The following MYH15 variants were observed in gnomAD, a reference collection of about 807,000 sequenced individuals.
The protein encoded by MYH15 is myosin-15.
In MYH15, 227 loss-of-function variants were observed where a neutral mutation model predicts 240.5. The ratio of observed to expected loss-of-function variants is 0.94; its 90% confidence interval spans 0.85 to 1.05. The LOEUF is 1.05. MYH15 is among the 50% of genes least tolerant of loss of function. MYH15 has a pLI of 0.00. For missense variants in MYH15, 2,217 were observed against 2,247.5 expected (o/e 0.99, Z 0.27); for synonymous variants, 785 against 796.7 (o/e 0.99, Z 0.25).
chr3:108,399,809 G>A (rs551796992), intron 33 of MYH15, among the ~76,000 whole-genome samples: 2 of 152,304 alleles, frequency 1.3e-5, no homozygotes, highest in African/African-American at 4.8e-5. Flanking sequence ...CTAGGAGTTT[G>A]AGAGTACACC....
At chr3:108,482,098 T>A (rs1380944287) in intron 11 of MYH15, among the ~76,000 whole-genome samples, 1 of 151,888 alleles carries the variant, frequency 6.6e-6, no homozygotes, top group Non-Finnish European at 1.5e-5. Flanking sequence ...TGGTGATAAG[T>A]TGTGAGCTTT....
intron 25 of MYH15, among the ~76,000 whole-genome samples, chr3:108,431,939 C>T (rs192803598): frequency 1.9e-4 from 29 of 152,282 alleles, no homozygotes; most frequent in South Asian, 8.3e-4. Flanking sequence ...ATTTTGCCTC[C>T]GCTCTAGAAC....
At position 108,431,009 on chromosome 3, in the gene MYH15, A is replaced by G. The variant is rs545573347; in HGVS notation, c.3222-87T>C. The G allele has an allele frequency of 9.7e-5, 88 of 910,830 alleles. No individual in the cohort carries two copies. The South Asian group carries it at 1.2e-3, about 13-fold the overall frequency. The allele number at this position is 910,830 out of a possible 1,614,324, so 56.4% of individuals were successfully genotyped here. A position where few individuals can be genotyped will look rare whatever the true frequency, so the allele number is the denominator to read the frequency against. On this transcript the variant is annotated intron_variant, in intron 25 of 40. Coordinates refer to ENST00000693548, the MANE Select transcript of MYH15 (RefSeq NM_014981.3). Reference sequence around the variant, plus strand: ...TAGAATTGTAATATTCCTAACACAAAGAAAAGATAAATGTTTGAGGTGATA... The same window carrying G: ...TAGAATTGTAATATTCCTAACACAAGGAAAAGATAAATGTTTGAGGTGATA...
In MYH15 at chr3:108,396,155, T is replaced by C. The variant is rs561199840; in HGVS notation, c.5134-1999A>G. Among the ~76,000 whole-genome samples the C allele has an allele frequency of 5.9e-5, 9 of 152,318 alleles. No individual in the cohort carries two copies. In the East Asian group the frequency reaches 1.7e-3, roughly 29 times the overall value. The stretch of plus-strand genomic sequence containing the variant: ...TCCTCTCCTCTCTATGAATGCTTTT[T>C]CTCTAGCTGATCCTCATCTCTCTCT... On this transcript the variant is annotated intron_variant, in intron 35 of 40. Transcript: ENST00000693548.
At chr3:108,395,634 TC>T (rs2082454450) in intron 35 of MYH15, among the ~76,000 whole-genome samples, 2 of 121,274 alleles carry the variant, frequency 1.6e-5, no homozygotes, top group Admixed American at 9.5e-5. Context: ...TTTTTTTCTT[TC>T]TTTTTTTTTT....
chr3:108,451,678 C>A (rs1200777339), intron 21 of MYH15, among the ~76,000 whole-genome samples: 1 of 152,056 alleles, frequency 6.6e-6, no homozygotes, highest in East Asian at 1.9e-4. Context: ...GTTAAGATAA[C>A]CTTGATTCAA....
At chr3:108,486,784 G>A (rs929946507) in intron 9 of MYH15, among the ~76,000 whole-genome samples, 1 of 151,888 alleles carries the variant, frequency 6.6e-6, no homozygotes. Context: ...GTTTCAATTG[G>A]TGTAAAAAAA....
intron 12 of MYH15, among the ~76,000 whole-genome samples, chr3:108,471,603 C>G (rs528424356): frequency 1.3e-5 from 2 of 152,220 alleles, no homozygotes; most frequent in Non-Finnish European, 2.9e-5. Context: ...CTGCCTTTAG[C>G]AAGAATCCTG....
chr3:108,465,830 G>A (rs111773898), intron 14 of MYH15, among the ~76,000 whole-genome samples: 267 of 152,256 alleles, frequency 1.8e-3, no homozygotes, highest in African/African-American at 6.1e-3. Context: ...GGGAGGCTGA[G>A]GCAGGAGAAT....
chr3:108,490,845 T>G (rs1251178924), intron 9 of MYH15, among the ~76,000 whole-genome samples: 2 of 152,176 alleles, frequency 1.3e-5, no homozygotes, highest in East Asian at 3.8e-4. Context: ...TTATTGTTCT[T>G]TATAGACCTG....
the MYH15 span, among the ~76,000 whole-genome samples, chr3:108,537,441 G>C: frequency 1.3e-5 from 2 of 152,276 alleles, no homozygotes; most frequent in Admixed American, 1.3e-4. Flanking sequence ...TTAAGAGGGA[G>C]GGCCTTCAGG....
chr3:108,433,259 G>A (rs891910867), intron 25 of MYH15, among the ~76,000 whole-genome samples: 1 of 152,122 alleles, frequency 6.6e-6, no homozygotes, highest in South Asian at 2.1e-4. Context: ...CCTTTGTTTG[G>A]GCCAATTTCT....
chr3:108,445,115 T>C (rs1170315400), intron 21 of MYH15, among the ~76,000 whole-genome samples: 1 of 152,202 alleles, frequency 6.6e-6, no homozygotes, highest in East Asian at 1.9e-4. Flanking sequence ...CCTAAAAATG[T>C]TCCTACCACA....
intron 35 of MYH15, among the ~76,000 whole-genome samples, chr3:108,395,303 G>A (rs1473414821): frequency 6.6e-6 from 1 of 152,150 alleles, no homozygotes; most frequent in Admixed American, 6.5e-5. Context: ...TGATATTCCA[G>A]CATCACTGGT....
chr3:108,538,043 C>A, the MYH15 span, among the ~76,000 whole-genome samples: 1 of 152,122 alleles, frequency 6.6e-6, no homozygotes, highest in South Asian at 2.1e-4. Context: ...AGGCCTGGGT[C>A]CATTAGCAGT....
rs769074721 is a variant in MYH15, at chr3:108,470,194, G to C, written c.1402C>G (p.Leu468Val). ...EILEYNSLEQ[L>V]CINFTNEKLQ... ...TTTTCATTGGTAAAATTAATGCAAA[G>C]TTGCTCAAGGCTATTATACTTCAAG... The change falls in exon 14 of 41, where the codon CTT becomes GTT. Residue 468 changes from leucine (L) to valine (V), a missense_variant. Leu to Val is a conservative substitution (Grantham distance 32). Coordinates refer to ENST00000693548, the MANE Select transcript of MYH15 (RefSeq NM_014981.3). The C allele has an allele frequency of 1.1e-5, 18 of 1,607,374 alleles. No individual in the cohort carries two copies. The South Asian group carries it at 1.6e-4, about 14-fold the overall frequency.
chr3:108,452,381 A>C (rs919535341), intron 21 of MYH15, among the ~76,000 whole-genome samples: 1 of 152,200 alleles, frequency 6.6e-6, no homozygotes, highest in Admixed American at 6.5e-5. Flanking sequence ...ATATCACTGC[A>C]GAAGTTAGTA....
intron 32 of MYH15, among the ~76,000 whole-genome samples, chr3:108,406,889 T>C (rs2082550876): frequency 6.6e-6 from 1 of 152,198 alleles, no homozygotes; most frequent in South Asian, 2.1e-4. Context: ...AAATGGCCCG[T>C]GCCAGTTGTA....
chr3:108,411,923 C>T (rs944478813), intron 30 of MYH15, among the ~76,000 whole-genome samples: 5 of 152,208 alleles, frequency 3.3e-5, no homozygotes, highest in Non-Finnish European at 5.9e-5. Flanking sequence ...CAACACTCTG[C>T]CCCCGGCTTC....
Sources: allele counts gnomAD v4.1 joint callset (sites outside exome capture counted in the v4.1 genomes callset), GRCh38; gene constraint gnomAD v4.1.1; transcripts MANE v1.5; gene names NCBI Gene and HGNC (gene_info 2026-07-23, HGNC 2026-07-21).